BCAS3: variants seen among roughly 807,000 people sequenced by gnomAD.
The protein encoded by BCAS3 is BCAS4/BCAS3 fusion.
BCAS3 carries 53 observed loss-of-function variants against 116.1 expected under a neutral mutation model. That is an observed-to-expected ratio of 0.46 (90% CI 0.37 to 0.57). The LOEUF (loss-of-function observed/expected upper bound fraction) is 0.57, where lower values mean the gene tolerates loss of function less well. Ranked by LOEUF, BCAS3 falls within the 20% of genes least tolerant of loss-of-function variation. The pLI, the probability that BCAS3 is intolerant of heterozygous loss-of-function variation, is 0.00. For missense variants in BCAS3, 917 were observed against 1,165.4 expected (o/e 0.79, Z 3.10); for synonymous variants, 391 against 408.2 (o/e 0.96, Z 0.51).
intron 8 of BCAS3, among the ~76,000 whole-genome samples, chr17:60,874,004 T>A (rs1446914537): frequency 1.3e-5 from 2 of 151,106 alleles, no homozygotes; most frequent in Admixed American, 6.6e-5. Flanking sequence ...GTGCTGGGCT[T>A]GATCTTATCC....
chr17:61,269,802 C>CTTT (rs775560445), intron 22 of BCAS3, among the ~76,000 whole-genome samples: 1 of 139,770 alleles, frequency 7.2e-6, no homozygotes, highest in Non-Finnish European at 1.6e-5. Flanking sequence ...TTCTTTCTTT[C>CTTT]TTTTTTTTTT....
chr17:60,721,249 A>T (rs1227209991), intron 5 of BCAS3, among the ~76,000 whole-genome samples: 4 of 152,134 alleles, frequency 2.6e-5, no homozygotes, highest in Non-Finnish European at 4.4e-5. Context: ...AGTGAAAAAA[A>T]TTGCCTTTGT....
At position 61,222,736 on chromosome 17, in the gene BCAS3, G is replaced by A. The variant is rs2082175876; in HGVS notation, c.2425+138172G>A. On this transcript the variant is annotated intron_variant, in intron 22 of 23. Coordinates refer to ENST00000407086, the MANE Select transcript of BCAS3 (RefSeq NM_017679.5). This position sits in a 1 kb window ranked among gnomAD's most constrained non-coding sequence, Gnocchi z 6.1. ...AGTGGTCTTGGTCAAGGTGGGCCATGGCCACTCTGCGACTCCAGGTCGATT... is the reference window on the plus strand; with the variant it reads ...AGTGGTCTTGGTCAAGGTGGGCCATAGCCACTCTGCGACTCCAGGTCGATT... Among the ~76,000 whole-genome samples the A allele has an allele frequency of 6.6e-6, 1 of 152,134 alleles. No homozygotes were observed. The highest frequency in any genetic ancestry group is 2.4e-5 in the African/African-American group (1 of 41,422).
chr17:60,698,946 G>T (rs1458522206), intron 4 of BCAS3, among the ~76,000 whole-genome samples: 1 of 152,042 alleles, frequency 6.6e-6, no homozygotes, highest in Non-Finnish European at 1.5e-5. Flanking sequence ...AATCCCAGCT[G>T]CTTGGGAGAC....
chr17:61,310,180 T>C (rs1035286604), intron 22 of BCAS3, among the ~76,000 whole-genome samples: 1 of 152,226 alleles, frequency 6.6e-6, no homozygotes, highest in African/African-American at 2.4e-5. Context: ...TTCCTCCTGC[T>C]ATGCTTTTAT....
chr17:60,959,033 G>A (rs1483250149), intron 14 of BCAS3, among the ~76,000 whole-genome samples: 1 of 152,132 alleles, frequency 6.6e-6, no homozygotes. Flanking sequence ...GTGACACCAA[G>A]GTTGGACACA....
chr17:61,291,144 T>C (rs1368259540), intron 22 of BCAS3, among the ~76,000 whole-genome samples: 4 of 152,200 alleles, frequency 2.6e-5, no homozygotes, highest in Non-Finnish European at 5.9e-5. Context: ...GTTTCACTTG[T>C]TTATTCAGCA....
rs760416767 is a variant in BCAS3 at position 61,040,816 on chromosome 17, G to A, written c.1953G>A (p.Gln651=). 3.2e-5 allele frequency: 52 copies of A among 1,613,846 alleles called. No individual in the cohort carries two copies. The highest frequency in any genetic ancestry group is 4.3e-5 in the Non-Finnish European group (51 of 1,179,956). ...GAACCCCTCAATGGAATGAATTGCAGCCACCGTTTAATGCAAACCACCCTC... is the reference window on the plus strand; with the variant it reads ...GAACCCCTCAATGGAATGAATTGCAACCACCGTTTAATGCAAACCACCCTC... ...LVRTPQWNEL[Q]PPFNANHPLL... Residue 651 remains glutamine, a synonymous_variant, in exon 19 of 24, where the codon CAG becomes CAA. Transcript: ENST00000407086.
chr17:60,899,507 T>C (rs935280373), intron 10 of BCAS3, among the ~76,000 whole-genome samples: 7 of 152,050 alleles, frequency 4.6e-5, no homozygotes, highest in African/African-American at 1.7e-4. Flanking sequence ...CTGAGATTTT[T>C]TTTTTCCTGA....
Position 60,716,174 on chromosome 17 carries a change from A to T in BCAS3, c.321+6849A>T, listed in dbSNP as rs576343371. 3.2e-4 allele frequency among the ~76,000 whole-genome samples: 49 copies of T among 152,340 alleles called. 1 individual carries two copies. The South Asian group carries it at 0.01, about 32-fold the overall frequency. Reference sequence around the variant, plus strand: ...CCGCGCACAGCCACGAACTATGAAGATTTAAACGGTGTTCATTTATTCAGC... The same window carrying T: ...CCGCGCACAGCCACGAACTATGAAGTTTTAAACGGTGTTCATTTATTCAGC... On this transcript the variant is annotated intron_variant, in intron 5 of 23. Coordinates refer to ENST00000407086, the MANE Select transcript of BCAS3 (RefSeq NM_017679.5).
intron 22 of BCAS3, among the ~76,000 whole-genome samples, chr17:61,085,624 C>T (rs1361143752): frequency 6.6e-6 from 1 of 152,094 alleles, no homozygotes; most frequent in Non-Finnish European, 1.5e-5. Flanking sequence ...TAGGGCTATG[C>T]CTTCATTTTT....
chr17:60,906,852 T>C (rs2145083082), intron 11 of BCAS3, among the ~76,000 whole-genome samples: 1 of 152,312 alleles, frequency 6.6e-6, no homozygotes, highest in Middle Eastern at 3.4e-3. Context: ...AGCCATGTAG[T>C]ATGTGCTCCT....
At position 61,315,698 on chromosome 17, in the gene BCAS3, C is replaced by T. The variant is rs547498484; in HGVS notation, c.2426-52629C>T. On this transcript the variant is annotated intron_variant, in intron 22 of 23. Transcript: ENST00000407086. The surrounding 1 kb of genome is among the most constrained non-coding windows in gnomAD (Gnocchi z 5.3). ...CCTGGAATGTGACCAGGCTGACTGA[C>T]CCCCCGTTTCATGCCCCACGCCTTT... Among the ~76,000 whole-genome samples the T allele has an allele frequency of 5.8e-4, 88 of 152,274 alleles. No individual in the cohort carries two copies. Among genetic ancestry groups the T allele is most frequent in the Non-Finnish European group, 1.1e-3 (72 of 68,012 alleles).
chr17:61,353,049 G>C (rs2057943443), intron 22 of BCAS3, among the ~76,000 whole-genome samples: 1 of 152,074 alleles, frequency 6.6e-6, no homozygotes. Flanking sequence ...TGGGGAGAGG[G>C]AGGAGAGGAA....
intron 23 of BCAS3, among the ~76,000 whole-genome samples, chr17:61,375,247 T>TGTGTGTGTGTGCGCACAC (rs1555861861): frequency 7.7e-6 from 1 of 129,760 alleles, no homozygotes; most frequent in Admixed American, 7.0e-5. Context: ...TGTGTGTGTG[T>TGTGTGTGTGTGCGCACAC]GTGTGTGTAC....
chr17:61,298,297 T>G (rs2053118874), intron 22 of BCAS3, among the ~76,000 whole-genome samples: 1 of 152,056 alleles, frequency 6.6e-6, no homozygotes, highest in African/African-American at 2.4e-5. Flanking sequence ...ACAGAGACAC[T>G]CACTACAGCC....
chr17:60,909,365 T>C (rs1401536642), intron 11 of BCAS3, among the ~76,000 whole-genome samples: 1 of 152,186 alleles, frequency 6.6e-6, no homozygotes, highest in Non-Finnish European at 1.5e-5. Context: ...TAATAGTTTA[T>C]ATTTTCAAAT....
chr17:61,334,522 G>A (rs1395930195), intron 22 of BCAS3, among the ~76,000 whole-genome samples: 2 of 152,006 alleles, frequency 1.3e-5, no homozygotes, highest in Admixed American at 1.3e-4. Context: ...AAAATTAGCT[G>A]GGCGTGGTGG....
At position 61,317,971 on chromosome 17, in the gene BCAS3, G is replaced by A. The variant is rs563371791; in HGVS notation, c.2426-50356G>A. On this transcript the variant is annotated intron_variant, in intron 22 of 23. Coordinates refer to ENST00000407086, the MANE Select transcript of BCAS3 (RefSeq NM_017679.5). The stretch of plus-strand genomic sequence containing the variant: ...GGCAGAGCCTGAACGAATGCCATAC[G>A]CAAGCTGTTCTGGCAGGCGTAACGC... 5.5e-4 allele frequency among the ~76,000 whole-genome samples: 28 copies of A among 50,906 alleles called. 1 individual carries two copies. In the South Asian group the frequency reaches 7.4e-3, roughly 14 times the overall value. 33.4% of individuals were successfully genotyped at this position (50,906 alleles called of 152,430 possible).
Sources: gnomAD v4.1 joint callset for allele counts (sites outside exome capture counted in the v4.1 genomes callset) on GRCh38, gnomAD v4.1.1 for gene constraint, Gnocchi (gnomAD v3.1) non-coding constraint, MANE v1.5 for transcripts, NCBI Gene and HGNC (gene_info 2026-07-23, HGNC 2026-07-21) for gene names.